LEKR1: variants seen among roughly 807,000 people sequenced by gnomAD.
LEKR1 encodes protein LEKR1.
A neutral mutation model predicts 72.4 loss-of-function variants in LEKR1; 59 were observed. The observed-to-expected ratio is 0.82, with a 90% confidence interval of 0.66 to 1.01. The LOEUF (loss-of-function observed/expected upper bound fraction) is 1.01. Among genes scored for constraint, LEKR1 ranks in the 50% least tolerant of loss-of-function variants. The pLI, the probability that LEKR1 is intolerant of heterozygous loss-of-function variation, is 0.00. For synonymous variants in LEKR1, 257 were observed against 263.2 expected (o/e 0.98, Z 0.23); for missense variants, 728 against 759.2 (o/e 0.96, Z 0.48).
rs1433291364 is a variant in LEKR1, at chr3:156,847,435, T to C, written c.49-5333T>C. Among the ~76,000 whole-genome samples the C allele has an allele frequency of 2.6e-5, 4 of 152,184 alleles. No homozygotes were observed. In the East Asian group the frequency reaches 7.7e-4, roughly 29 times the overall value. On this transcript the variant is annotated intron_variant, in intron 2 of 12. Coordinates refer to ENST00000356539, the MANE Select transcript of LEKR1 (RefSeq NM_001004316.3). ...AGGCCTTTTGTCAAGAATGACAGCA[T>C]GTCATTATTTTACTTTCAAAACGAG...
intron 2 of LEKR1, among the ~76,000 whole-genome samples, chr3:156,849,842 G>A (rs1230481488): frequency 6.6e-6 from 1 of 151,884 alleles, no homozygotes; most frequent in Non-Finnish European, 1.5e-5. Flanking sequence ...CAGGACATAG[G>A]CATGGGCAAG....
chr3:157,043,452 GTT>G (rs35621263), intron 12 of LEKR1, among the ~76,000 whole-genome samples: 99 of 145,624 alleles, frequency 6.8e-4, no homozygotes, highest in Admixed American at 8.9e-4. Context: ...GTCCTTCTGT[GTT>G]TTTTTTTTTT....
At chr3:157,021,920 TTAA>T (rs1233252948) in intron 10 of LEKR1, among the ~76,000 whole-genome samples, 1 of 152,152 alleles carries the variant, frequency 6.6e-6, no homozygotes, top group Non-Finnish European at 1.5e-5. Flanking sequence ...AACTTTTATA[TTAA>T]TATTATACCT....
intron 7 of LEKR1, among the ~76,000 whole-genome samples, chr3:156,991,555 T>C (rs59655377): frequency 0.011 from 1,746 of 152,236 alleles, 38 homozygotes; most frequent in African/African-American, 0.04. Flanking sequence ...ATAGTCTGAA[T>C]ACATTTAAAT....
At chr3:156,944,786 T>C (rs527411123) in intron 6 of LEKR1, among the ~76,000 whole-genome samples, 4 of 151,992 alleles carry the variant, frequency 2.6e-5, no homozygotes, top group African/African-American at 9.6e-5. Context: ...CCATTGTGTA[T>C]ATTTACCCCA....
intron 10 of LEKR1, among the ~76,000 whole-genome samples, chr3:157,024,197 A>C (rs1734038603): frequency 6.6e-6 from 1 of 152,208 alleles, no homozygotes; most frequent in Admixed American, 6.5e-5. Flanking sequence ...AAATCGAAAA[A>C]TCATAAGTCG....
At chr3:156,995,455 C>A (rs79483157) in intron 9 of LEKR1, among the ~76,000 whole-genome samples, 1,724 of 151,850 alleles carry the variant, frequency 0.011, 13 homozygotes, top group Admixed American at 0.016. Flanking sequence ...TTTCTTTATT[C>A]TCTCTGCTTT....
At chr3:156,855,899 G>A (rs1240303540) in intron 3 of LEKR1, among the ~76,000 whole-genome samples, 1 of 152,106 alleles carries the variant, frequency 6.6e-6, no homozygotes, top group Non-Finnish European at 1.5e-5. Context: ...AGTCTCACTG[G>A]CTTTACTTCT....
chr3:156,909,468 G>C (rs1722890747), intron 3 of LEKR1, among the ~76,000 whole-genome samples: 1 of 151,918 alleles, frequency 6.6e-6, no homozygotes, highest in Non-Finnish European at 1.5e-5. Context: ...TGGCTAACAC[G>C]GTGAAACCCC....
In LEKR1 at chr3:156,878,498, A is replaced by G. The variant is rs1380266839; in HGVS notation, c.263+25516A>G. 2.0e-5 allele frequency among the ~76,000 whole-genome samples: 3 copies of G among 152,312 alleles called. No individual in the cohort carries two copies. In the East Asian group the frequency reaches 5.8e-4, roughly 29 times the overall value. ...ACTGTGGCCTGAGAGGATACTTAAT[A>G]TAATTTTGATTTTCTTAAATTTATT... On this transcript the variant is annotated intron_variant, in intron 3 of 12. Transcript: ENST00000356539.
At chr3:156,855,122 T>C (rs1715893989) in intron 3 of LEKR1, among the ~76,000 whole-genome samples, 1 of 152,218 alleles carries the variant, frequency 6.6e-6, no homozygotes, top group Admixed American at 6.5e-5. Flanking sequence ...AGTATTTGTA[T>C]TTATGTTCTT....
At chr3:156,977,442 T>A in intron 6 of LEKR1, 1 of 502,712 alleles carries the variant, frequency 2.0e-6, no homozygotes, top group Non-Finnish European at 4.0e-6. Context: ...TCACCCCCCC[T>A]TAATGAACTC....
Position 156,829,433 on chromosome 3 carries a change from A to G in LEKR1, c.48+56A>G, listed in dbSNP as rs540856468. ...AGTGGGAACATGTAGCAGTTACATA[A>G]TTCTAAAACCTAGAGGAGTGAATTC... On this transcript the variant is annotated intron_variant, in intron 2 of 12. Transcript: ENST00000356539. 4 of 1,271,426 alleles carry G rather than the reference A, an allele frequency of 3.1e-6. No individual in the cohort carries two copies. The African/African-American group carries it at 6.0e-5, about 19-fold the overall frequency. The allele number at this position is 1,271,426 out of a possible 1,614,324, so 78.8% of individuals were successfully genotyped here.
chr3:156,834,053 C>A (rs1263054015), intron 2 of LEKR1, among the ~76,000 whole-genome samples: 1 of 151,872 alleles, frequency 6.6e-6, no homozygotes, highest in African/African-American at 2.4e-5. Context: ...TTTAATAAAA[C>A]CTTATAAACA....
chr3:156,851,827 T>G (rs1184105812), intron 2 of LEKR1, among the ~76,000 whole-genome samples: 1 of 152,144 alleles, frequency 6.6e-6, no homozygotes, highest in Admixed American at 6.6e-5. Context: ...AATTTCAAAT[T>G]TAGTGCCCTG....
chr3:156,915,883 T>C (rs1208004351), intron 3 of LEKR1, among the ~76,000 whole-genome samples: 1 of 152,186 alleles, frequency 6.6e-6, no homozygotes, highest in African/African-American at 2.4e-5. Context: ...CCAGGTTTTT[T>C]ATAGTTTTGG....
At chr3:156,967,779 AC>A (rs1222700072) in intron 6 of LEKR1, among the ~76,000 whole-genome samples, 8 of 152,204 alleles carry the variant, frequency 5.3e-5, no homozygotes, top group African/African-American at 1.9e-4. Flanking sequence ...AGAGAATGCC[AC>A]AAAGATACTC....
At chr3:156,895,079 T>C (rs1284283777) in intron 3 of LEKR1, among the ~76,000 whole-genome samples, 2 of 152,156 alleles carry the variant, frequency 1.3e-5, no homozygotes, top group Non-Finnish European at 2.9e-5. Flanking sequence ...CAGTGAACTA[T>C]CATCACAGTG....
chr3:156,995,728 A>C (rs1049253817), intron 9 of LEKR1, among the ~76,000 whole-genome samples: 4 of 152,206 alleles, frequency 2.6e-5, no homozygotes, highest in Non-Finnish European at 5.9e-5. Context: ...GCTACTCAGG[A>C]GGCTGAGGCA....
Sources: gnomAD v4.1 joint callset for allele counts (sites outside exome capture counted in the v4.1 genomes callset) on GRCh38, gnomAD v4.1.1 for gene constraint, MANE v1.5 for transcripts, NCBI Gene and HGNC (gene_info 2026-07-23, HGNC 2026-07-21) for gene names.